CARS2: variants seen among roughly 807,000 people sequenced by gnomAD.
CARS2 encodes probable cysteine--tRNA ligase, mitochondrial.
A neutral mutation model predicts 68.8 loss-of-function variants in CARS2; 52 were observed. The observed-to-expected ratio is 0.76, with a 90% CI of 0.61 to 0.95. CARS2 has a LOEUF of 0.95. CARS2 is among the 40% of genes least tolerant of loss of function. The pLI is 0.00. For synonymous variants in CARS2, 314 were observed against 303.6 expected, an observed-to-expected ratio of 1.03 and a Z score of -0.36; for missense variants, 780 against 754.2, an observed-to-expected ratio of 1.03 and a Z score of -0.40.
intron 8 of CARS2, chr13:110,664,723 A>T (rs1440433213): frequency 1.2e-6 from 1 of 846,180 alleles, no homozygotes; most frequent in African/African-American, 1.8e-5. Flanking sequence ...CAAAATCCTC[A>T]GCCCTCAGGT....
chr13:110,644,045 AG>A, intron 13 of CARS2: 1 of 1,232,262 alleles, frequency 8.1e-7, no homozygotes, highest in Non-Finnish European at 1.1e-6. Context: ...CAAATGGGTC[AG>A]GAAAAAATGT....
intron 3 of CARS2, among the ~76,000 whole-genome samples, chr13:110,689,388 C>T (rs1448597432): frequency 7.9e-5 from 12 of 152,224 alleles, no homozygotes; most frequent in African/African-American, 2.9e-4. Flanking sequence ...GAAACTTTCT[C>T]AAGCGCAACG....
At position 110,668,358 on chromosome 13, in the gene CARS2, A is replaced by G. The variant is rs949878611; in HGVS notation, c.786-885T>C. Among the ~76,000 whole-genome samples, 1 of 151,930 alleles carries G rather than the reference A, an allele frequency of 6.6e-6. No individual in the cohort carries two copies. Among genetic ancestry groups the G allele is most frequent in the African/African-American group, 2.4e-5 (1 of 41,348 alleles). ...GGAGATCGAGACCATCCTGGCTAAC[A>G]TGGTGAAACCCCGTCTCCACTAAAA... is the stretch of plus-strand genomic sequence containing the variant. On this transcript the variant is annotated intron_variant, in intron 7 of 14. Transcript: ENST00000257347. This position sits in a 1 kb window ranked among gnomAD's most constrained non-coding sequence, Gnocchi z 4.1.
intron 8 of CARS2, chr13:110,663,825 A>G (rs895091787): frequency 8.7e-7 from 1 of 1,147,156 alleles, no homozygotes; most frequent in African/African-American, 1.6e-5. Context: ...TATTTCATCT[A>G]TTTTCTCCTC....
rs369716349 is a variant in CARS2, at chr13:110,644,423, A to G, written c.1378T>C (p.Phe460Leu). The G allele has an allele frequency of 6.2e-6, 10 of 1,613,994 alleles. No individual in the cohort carries two copies. Among genetic ancestry groups the G allele is most frequent in the African/African-American group, 1.3e-5 (1 of 74,924 alleles). Residue 460 changes from phenylalanine to leucine, a missense_variant, in exon 13 of 15, where the codon TTT (phenylalanine) becomes CTT (leucine). Phe to Leu is a conservative substitution (Grantham distance 22). Coordinates refer to ENST00000257347, the MANE Select transcript of CARS2 (RefSeq NM_024537.4). ...FGAIISYFEQ[F>L]FETVGISLAN... is the part of the protein sequence containing the mutation. ...AGAGAAATTCCAACAGTTTCAAAAA[A>G]CTGTTCAAAGTAAGAGATGATGGCA... is the stretch of plus-strand genomic sequence containing the variant.
chr13:110,642,841 G>C (rs77749976), intron 13 of CARS2: 46,439 of 605,104 alleles, frequency 0.077, 2,042 homozygotes, highest in Middle Eastern at 0.11. Flanking sequence ...CAGACCTCAC[G>C]CAATTGTGGC....
intron 5 of CARS2, 49 bp downstream of exon 5, chr13:110,687,672 C>G (rs748213415): frequency 4.2e-6 from 5 of 1,197,976 alleles, no homozygotes; most frequent in Non-Finnish European, 5.9e-6. Context: ...GAGTAAAACT[C>G]TGTCTCAAAA....
chr13:110,683,127 G>A lies in CARS2; in HGVS notation c.579C>T (p.Val193=), dbSNP rs2139839935. Residue 193 remains valine, a synonymous_variant, in exon 6 of 15, where the codon GTC becomes GTT. Coordinates refer to ENST00000257347, the MANE Select transcript of CARS2 (RefSeq NM_024537.4). ...GNAYSTAKGN[V]YFDLKSRGDK... ...CTCCTCTAGACTTCAGATCGAAGTA[G>A]ACATTGCCTGTTTATAAAGACAATT... is the stretch of plus-strand genomic sequence containing the variant. 7 of 1,587,348 alleles carry A rather than the reference G, an allele frequency of 4.4e-6. No individual in the cohort carries two copies. The highest frequency in any genetic ancestry group is 5.1e-6 in the Non-Finnish European group (6 of 1,168,328).
At chr13:110,660,986 T>G (rs2062488691) in intron 9 of CARS2, among the ~76,000 whole-genome samples, 1 of 152,156 alleles carries the variant, frequency 6.6e-6, no homozygotes, top group Non-Finnish European at 1.5e-5. Context: ...GGTCTCGAAC[T>G]CCTGACCTCA....
chr13:110,690,600 T>C (rs116336281), intron 3 of CARS2, among the ~76,000 whole-genome samples: 1,667 of 152,342 alleles, frequency 0.011, 22 homozygotes, highest in African/African-American at 0.038. Flanking sequence ...TACCCGGTCC[T>C]GTCCCGATGC....
chr13:110,663,357 T>G (rs1283540020), intron 9 of CARS2, 94 bp downstream of exon 9: 8 of 1,268,568 alleles, frequency 6.3e-6, no homozygotes, highest in Non-Finnish European at 8.7e-6. Context: ...GCACTGGGAA[T>G]GGGATTCCGT....
At chr13:110,650,794 A>G (rs2062187554) in intron 10 of CARS2, 1 of 471,820 alleles carries the variant, frequency 2.1e-6, no homozygotes, top group African/African-American at 2.0e-5. Context: ...ACCCAGAGAG[A>G]AGGAGTGGAG....
chr13:110,676,572 C>A lies in CARS2; in HGVS notation c.785+402G>T, dbSNP rs888299229. On this transcript the variant is annotated intron_variant, in intron 7 of 14. Coordinates refer to ENST00000257347, the MANE Select transcript of CARS2 (RefSeq NM_024537.4). The surrounding 1 kb of genome is among the most constrained non-coding windows in gnomAD (Gnocchi z 4.0). ...TTCCGCCACAGAGCACCCTGGCATG[C>A]GAGTTGCCTGAGCTAGAAGAGCTGG... Among the ~76,000 whole-genome samples, 1 of 152,006 alleles carries A rather than the reference C, an allele frequency of 6.6e-6. No individual in the cohort carries two copies. Among genetic ancestry groups the A allele is most frequent in the South Asian group, 2.1e-4 (1 of 4,830 alleles).
chr13:110,642,462 C>G lies in CARS2; in HGVS notation c.1476G>C (p.Arg492=). The stretch of plus-strand genomic sequence containing the variant: ...CAAACTGCCGGACCTTCTGCCGGAA[C>G]CGCACCAGCTCGTCCACCACACCAT... ...TLHGVVDELV[R]FRQKVRQFAL... is the part of the protein sequence containing the mutation. Residue 492 remains arginine (R), a synonymous_variant, in exon 14 of 15, where the codon CGG becomes CGC. Coordinates refer to ENST00000257347, the MANE Select transcript of CARS2 (RefSeq NM_024537.4). The G allele has an allele frequency of 6.2e-7, 1 of 1,609,664 alleles. No homozygotes were observed. The highest frequency in any genetic ancestry group is 2.2e-5 in the East Asian group (1 of 44,728).
At chr13:110,690,741 G>C (rs1359868524) in intron 3 of CARS2, among the ~76,000 whole-genome samples, 1 of 152,226 alleles carries the variant, frequency 6.6e-6, no homozygotes, top group Non-Finnish European at 1.5e-5. Flanking sequence ...GCTCCTGCAA[G>C]CTGCCTTCCA....
upstream of CARS2, among the ~76,000 whole-genome samples, chr13:110,710,337 A>G (rs2064016820): frequency 6.6e-6 from 1 of 152,164 alleles, no homozygotes; most frequent in African/African-American, 2.4e-5. Flanking sequence ...AGCTGAGATC[A>G]CGCCACTGCA....
At chr13:110,651,167 G>T in intron 9 of CARS2, 67 bp from the exon 10 acceptor site, 1 of 1,094,452 alleles carries the variant, frequency 9.1e-7, no homozygotes, top group Non-Finnish European at 1.4e-6. Context: ...CAGAGAATAT[G>T]TTACTTTCTA....
In CARS2 at chr13:110,705,394, A is replaced by T. The variant is rs1188810486; in HGVS notation, c.275+127T>A. On this transcript the variant is annotated intron_variant, in intron 2 of 14. Coordinates refer to ENST00000257347, the MANE Select transcript of CARS2 (RefSeq NM_024537.4). This position sits in a 1 kb window ranked among gnomAD's most constrained non-coding sequence, Gnocchi z 4.0. ...CAAATGAGGTTGTAACATTTCCCAC[A>T]ATGCCTGGAATGTAGGAATTATTCT... 4.5e-6 allele frequency: 3 copies of T among 661,746 alleles called. No individual in the cohort carries two copies. Among genetic ancestry groups the T allele is most frequent in the Non-Finnish European group, 7.7e-6 (3 of 388,512 alleles). 41.0% of individuals were successfully genotyped at this position (661,746 alleles called of 1,614,324 possible).
chr13:110,664,514 C>G (rs931458825), intron 8 of CARS2: 2 of 818,494 alleles, frequency 2.4e-6, no homozygotes, highest in Non-Finnish European at 3.0e-6. Flanking sequence ...GAGACTCTGC[C>G]TCAAAAATAA....
Sources: allele counts gnomAD v4.1 joint callset (sites outside exome capture counted in the v4.1 genomes callset), GRCh38; gene constraint gnomAD v4.1.1; non-coding constraint Gnocchi (gnomAD v3.1); transcripts MANE v1.5; gene names NCBI Gene and HGNC (gene_info 2026-07-23, HGNC 2026-07-21).